The following HSD11B1 variants were observed in gnomAD, a reference collection of about 807,000 sequenced individuals.
HSD11B1 encodes hydroxysteroid 11-beta dehydrogenase 1, also known as 11-beta-hydroxysteroid dehydrogenase 1.
A neutral mutation model predicts 22.1 loss-of-function variants in HSD11B1; 15 were observed. The ratio of observed to expected loss-of-function variants is 0.68; its 90% CI spans 0.45 to 1.04. The LOEUF (loss-of-function observed/expected upper bound fraction) is 1.04, where lower values mean the gene tolerates loss of function less well. Among genes scored for constraint, HSD11B1 ranks in the 50% least tolerant of loss-of-function variants. The probability of loss-of-function intolerance (pLI) is 0.00; values close to 1 mark genes in which losing one functional copy is unlikely to be tolerated. For synonymous variants in HSD11B1, 122 were observed against 125.2 expected (o/e 0.97, Z 0.17); for missense variants, 281 against 357.6 (o/e 0.79, Z 1.73).
At chr1:209,710,434 C>A (rs114544828) in intron 4 of HSD11B1, among the ~76,000 whole-genome samples, 2 of 152,318 alleles carry the variant, frequency 1.3e-5, no homozygotes, top group African/African-American at 2.4e-5. Flanking sequence ...ATCTACTTAG[C>A]CCCCTACCTC....
intron 1 of HSD11B1, among the ~76,000 whole-genome samples, chr1:209,688,380 A>G (rs1571861330): frequency 2.0e-5 from 3 of 151,974 alleles, no homozygotes; most frequent in African/African-American, 7.3e-5. Flanking sequence ...ACACATTCCT[A>G]TTATAGTATA....
At chr1:209,689,617 T>C (rs898871032) in intron 1 of HSD11B1, among the ~76,000 whole-genome samples, 6 of 152,194 alleles carry the variant, frequency 3.9e-5, no homozygotes, top group Non-Finnish European at 5.9e-5. Flanking sequence ...TCTTACTCTA[T>C]GAGTTCCTGC....
At chr1:209,708,321 T>A (rs968134469) in intron 4 of HSD11B1, among the ~76,000 whole-genome samples, 8 of 152,252 alleles carry the variant, frequency 5.3e-5, no homozygotes, top group African/African-American at 1.7e-4. Context: ...TAGAGGACTC[T>A]GTAAACTGTT....
At chr1:209,709,097 T>C (rs566881903) in intron 4 of HSD11B1, among the ~76,000 whole-genome samples, 1 of 152,308 alleles carries the variant, frequency 6.6e-6, no homozygotes, top group African/African-American at 2.4e-5. Context: ...CTAAACTCTA[T>C]AAATATGGGA....
chr1:209,688,459 G>A (rs1396380971), intron 1 of HSD11B1, among the ~76,000 whole-genome samples: 2 of 152,184 alleles, frequency 1.3e-5, no homozygotes, highest in Admixed American at 6.5e-5. Flanking sequence ...CTCCTTGAAA[G>A]CAGACACCAC....
chr1:209,692,540 C>T (rs1309619105), intron 1 of HSD11B1, among the ~76,000 whole-genome samples: 1 of 137,048 alleles, frequency 7.3e-6, no homozygotes, highest in Admixed American at 8.8e-5. Context: ...GGTGGTCAGG[C>T]ACCCCCTGGG....
At chr1:209,705,785 C>A in intron 1 of HSD11B1, 26 bp from the exon 2 acceptor site, 1 of 1,612,914 alleles carries the variant, frequency 6.2e-7, no homozygotes, top group Non-Finnish European at 8.5e-7. Flanking sequence ...TGGGTATGGT[C>A]CTCACTTCCT....
intron 1 of HSD11B1, among the ~76,000 whole-genome samples, chr1:209,692,309 G>A (rs546183926): frequency 5.9e-5 from 9 of 152,146 alleles, no homozygotes; most frequent in Non-Finnish European, 1.0e-4. Context: ...AGTTAAAGTG[G>A]TAAAAACAGG....
chr1:209,714,555 C>T (rs2076918462), intron 4 of HSD11B1, among the ~76,000 whole-genome samples: 1 of 152,164 alleles, frequency 6.6e-6, no homozygotes, highest in Non-Finnish European at 1.5e-5. Flanking sequence ...GTTGGAGACT[C>T]ACAGTCATAT....
At chr1:209,726,035 T>A (rs2076998780) in intron 4 of HSD11B1, among the ~76,000 whole-genome samples, 1 of 152,058 alleles carries the variant, frequency 6.6e-6, no homozygotes, top group Non-Finnish European at 1.5e-5. Flanking sequence ...ATAGTTCATT[T>A]TTTTCACCAA....
At chr1:209,711,557 G>A (rs746301039) in intron 4 of HSD11B1, among the ~76,000 whole-genome samples, 10 of 152,142 alleles carry the variant, frequency 6.6e-5, no homozygotes, top group Non-Finnish European at 8.8e-5. Context: ...GATGGGGAGT[G>A]GCGATGGCTG....
chr1:209,691,818 A>T (rs2076761209), intron 1 of HSD11B1, among the ~76,000 whole-genome samples: 1 of 152,264 alleles, frequency 6.6e-6, no homozygotes. Context: ...AAATCCCAGT[A>T]TTCCTTAGCA....
chr1:209,710,225 A>G (rs1000349996), intron 4 of HSD11B1, among the ~76,000 whole-genome samples: 1 of 152,230 alleles, frequency 6.6e-6, no homozygotes, highest in Non-Finnish European at 1.5e-5. Context: ...AGGTCATCTT[A>G]GGTTCAATAT....
chr1:209,721,727 G>A (rs186808329), intron 4 of HSD11B1, among the ~76,000 whole-genome samples: 15 of 152,258 alleles, frequency 9.9e-5, no homozygotes, highest in Non-Finnish European at 2.1e-4. Flanking sequence ...CCATCCCTGG[G>A]CAGGTGACTC....
chr1:209,716,115 C>T (rs1387344215), intron 4 of HSD11B1, among the ~76,000 whole-genome samples: 2 of 152,078 alleles, frequency 1.3e-5, no homozygotes, highest in Non-Finnish European at 2.9e-5. Context: ...AAATAAAAGA[C>T]ATCCAAACTA....
chr1:209,691,150 A>T (rs1290731513), intron 1 of HSD11B1, among the ~76,000 whole-genome samples: 2 of 152,188 alleles, frequency 1.3e-5, no homozygotes, highest in Non-Finnish European at 2.9e-5. Context: ...GGAAGCTAGA[A>T]ACTGAAAGGC....
chr1:209,726,560 C>G lies in HSD11B1; in HGVS notation c.518-5876C>G, dbSNP rs78558861. On this transcript the variant is annotated intron_variant, in intron 4 of 5. Coordinates refer to ENST00000367027, the MANE Select transcript of HSD11B1 (RefSeq NM_005525.4). ...CACTGTGCTTTAGCACTTCAGCCTG[C>G]GTGGGTGACAGAGTGAGACCCTGTT... 8.4e-3 allele frequency among the ~76,000 whole-genome samples: 1,278 copies of G among 152,198 alleles called. 12 individuals are homozygous for G. The highest frequency in any genetic ancestry group is 0.028 in the African/African-American group (1,163 of 41,514).
At chr1:209,692,785 C>A (rs976819819) in intron 1 of HSD11B1, among the ~76,000 whole-genome samples, 1 of 152,150 alleles carries the variant, frequency 6.6e-6, no homozygotes, top group African/African-American at 2.4e-5. Flanking sequence ...AGGTCCCACC[C>A]TTAATAAGCC....
At chr1:209,694,976 T>C (rs1030387185) in intron 1 of HSD11B1, among the ~76,000 whole-genome samples, 2 of 152,142 alleles carry the variant, frequency 1.3e-5, no homozygotes, top group African/African-American at 4.8e-5. Context: ...TCCCCAGGTG[T>C]TGAGGAGGGA....
Sources: gnomAD v4.1 joint callset for allele counts (sites outside exome capture counted in the v4.1 genomes callset) on GRCh38, gnomAD v4.1.1 for gene constraint, MANE v1.5 for transcripts, NCBI Gene and HGNC (gene_info 2026-07-23, HGNC 2026-07-21) for gene names.